The following MED16 variants were observed in gnomAD, a reference collection of about 807,000 sequenced individuals.
The protein encoded by MED16 is mediator complex subunit 16.
A neutral mutation model predicts 84.4 loss-of-function variants in MED16; 81 were observed. The observed-to-expected ratio is 0.96, with a 90% CI of 0.80 to 1.15. The LOEUF is 1.15. MED16 is among the 50% of genes most tolerant of loss of function. The pLI is 0.00. For missense variants in MED16, 1,585 were observed against 1,245.9 expected (o/e 1.27, Z -4.10); for synonymous variants, 897 against 552.2 (o/e 1.62, Z -8.76).
At chr19:876,587 G>C (rs532972960) in intron 9 of MED16, among the ~76,000 whole-genome samples, 1 of 152,188 alleles carries the variant, frequency 6.6e-6, no homozygotes, top group South Asian at 2.1e-4. Flanking sequence ...GCTTCTCTGA[G>C]GTGCAGCTTT....
At chr19:874,156 C>T (rs981499869) in intron 10 of MED16, among the ~76,000 whole-genome samples, 1 of 151,956 alleles carries the variant, frequency 6.6e-6, no homozygotes, top group Non-Finnish European at 1.5e-5. Context: ...CTCTGTCGCC[C>T]AGGCTGGAGT....
rs777653749 is a variant in MED16, at chr19:880,110, C to A, written c.1180G>T (p.Val394Leu). Residue 394 changes from valine (V) to leucine (L), a missense_variant, in exon 8 of 16, where the codon GTG becomes TTG. Physicochemically the swap from Val to Leu is conservative, Grantham distance 32. Transcript: ENST00000325464. ...LAFHDGSVHI[V>L]HRLSLQTMAV... is the part of the protein sequence containing the mutation. The stretch of plus-strand genomic sequence containing the variant: ...ATGGTCTGCAGTGAGAGCCGGTGCA[C>A]GATGTGGACGCTGCCGTCGTGGAAG... 1.2e-6 allele frequency: 2 copies of A among 1,610,288 alleles called. No homozygotes were observed. The highest frequency in any genetic ancestry group is 1.1e-5 in the South Asian group (1 of 90,768).
chr19:877,742 C>G (rs1287583093), intron 8 of MED16, among the ~76,000 whole-genome samples: 1 of 136,696 alleles, frequency 7.3e-6, no homozygotes, highest in Non-Finnish European at 1.6e-5. Context: ...CAGCAGCTCA[C>G]CTTCCCCTGG....
intron 14 of MED16, 30 bp downstream of exon 14, chr19:868,833 T>C (rs2035978113): frequency 1.9e-6 from 3 of 1,541,348 alleles, no homozygotes; most frequent in Admixed American, 2.0e-5. Context: ...GGCACATCTC[T>C]GGGAGTCAGC....
In MED16 at chr19:881,726, G is replaced by A. The variant is rs746984441; in HGVS notation, c.986-12C>T. On this transcript the variant is annotated splice_polypyrimidine_tract_variant and intron_variant, in intron 6 of 15. Transcript: ENST00000325464. ...CTGTTTGTCGCCAACTGAAAAATCA[G>A]GGGCAGGAAAACAGGAAGGCAATGG... 1.1e-5 allele frequency: 18 copies of A among 1,607,392 alleles called. No individual in the cohort carries two copies. In the Admixed American group the frequency reaches 1.5e-4, roughly 13 times the overall value.
chr19:884,959 G>A lies in MED16; in HGVS notation c.929C>T (p.Ser310Phe). 6.2e-7 allele frequency: 1 copy of A among 1,609,360 alleles called. No homozygotes were observed. Among genetic ancestry groups the A allele is most frequent in the Non-Finnish European group, 8.5e-7 (1 of 1,179,332 alleles). Residue 310 changes from serine (S) to phenylalanine (F), a missense_variant, in exon 6 of 16, where the codon TCC (serine) becomes TTC (phenylalanine). By Grantham distance (155) the Ser-to-Phe change is radical. Transcript: ENST00000325464. ...SQTSSIVECW[S>F]LRKEGLPVNN... ...CACGGGGAGTCCCTCCTTGCGCAGG[G>A]ACCAGCACTCCACGATGCTGCTGGT...
chr19:884,269 C>T (rs896227924), intron 6 of MED16, among the ~76,000 whole-genome samples: 3 of 152,216 alleles, frequency 2.0e-5, no homozygotes, highest in African/African-American at 7.2e-5. Flanking sequence ...TTCTGGTCCC[C>T]GGTCATAGCA....
Position 876,927 on chromosome 19 carries a change from A to G in MED16, c.1560+47T>C, listed in dbSNP as rs2036253354. The G allele has an allele frequency of 2.6e-6, 4 of 1,527,716 alleles. No homozygotes were observed. The South Asian group carries it at 4.9e-5, about 19-fold the overall frequency. 94.6% of individuals were successfully genotyped at this position (1,527,716 alleles called of 1,614,324 possible). On this transcript the variant is annotated intron_variant, in intron 9 of 15. Coordinates refer to ENST00000325464, the MANE Select transcript of MED16 (RefSeq NM_005481.3). ...ACCTGCCACGGGGCCCCCACCTGCC[A>G]CAGGGCCCCCACCTGCCACGGGGCC...
intron 5 of MED16, 132 bp downstream of exon 5, chr19:885,638 C>T (rs893785379): frequency 7.8e-5 from 85 of 1,095,122 alleles, no homozygotes; most frequent in African/African-American, 1.7e-4. Flanking sequence ...CTGGAGCCCC[C>T]GGGAGGGACC....
chr19:877,479 A>C (rs2145215155), intron 8 of MED16, among the ~76,000 whole-genome samples: 1 of 142,070 alleles, frequency 7.0e-6, no homozygotes, highest in Admixed American at 6.9e-5. Context: ...GGTCCTCTCA[A>C]CAGCTCCTAG....
At position 870,904 on chromosome 19, in the gene MED16, C is replaced by T. The variant is rs1273915624; in HGVS notation, c.2315+133G>A. 351 of 715,672 alleles carry T rather than the reference C, an allele frequency of 4.9e-4. 3 individuals are homozygous for T. The highest frequency in any genetic ancestry group is 1.0e-3 in the Admixed American group (24 of 23,832). 44.3% of individuals were successfully genotyped at this position (715,672 alleles called of 1,614,324 possible). ...GGGGGTCCCGGGCAGGACATGGAGG[C>T]GGGGAGCCGTGTGGATTCGGGGGGA... On this transcript the variant is annotated intron_variant, in intron 13 of 15. Transcript: ENST00000325464.
At position 877,265 on chromosome 19, in the gene MED16, C is replaced by T. The variant is rs2036271121; in HGVS notation, c.1354-85G>A. ...GAGGAATGGGGCCCTGGGGCTGCGG[C>T]ACGTGTGTGGATCTGTGTGCGCGCA... On this transcript the variant is annotated intron_variant, in intron 8 of 15. Coordinates refer to ENST00000325464, the MANE Select transcript of MED16 (RefSeq NM_005481.3). The T allele has an allele frequency of 5.9e-6, 8 of 1,354,388 alleles. No homozygotes were observed. The African/African-American group carries it at 1.2e-4, about 20-fold the overall frequency. The allele number at this position is 1,354,388 out of a possible 1,614,324, so 83.9% of individuals were successfully genotyped here.
intron 12 of MED16, 42 bp from the exon 13 acceptor site, chr19:871,295 G>T: frequency 1.3e-6 from 2 of 1,501,534 alleles, no homozygotes; most frequent in Non-Finnish European, 1.8e-6. Flanking sequence ...CCCTGACTGG[G>T]GCACCGCCCG....
intron 1 of MED16, chr19:892,699 C>G (rs1354297684): frequency 2.0e-5 from 3 of 152,188 alleles, no homozygotes; most frequent in Non-Finnish European, 2.9e-5. Flanking sequence ...CCAGGCCCTG[C>G]CTCTACAGCC....
rs534228455 is a variant in MED16, at chr19:880,054, C to T, written c.1236G>A (p.Arg412=). The part of the protein sequence containing the change: ...MAVFYSSAAP[R]PVDEPAMKRP... The stretch of plus-strand genomic sequence containing the variant: ...GCTTCATGGCCGGCTCATCCACAGG[C>T]CTCGGGGCCGCGGAGCTGTAGAAGA... The change falls in exon 8 of 16, where the codon AGG becomes AGA. Residue 412 remains arginine, a synonymous_variant. Transcript: ENST00000325464. 1.2e-6 allele frequency: 2 copies of T among 1,611,254 alleles called. No individual in the cohort carries two copies. The highest frequency in any genetic ancestry group is 2.2e-5 in the East Asian group (1 of 44,862).
chr19:880,748 C>A (rs1365606971), intron 7 of MED16, among the ~76,000 whole-genome samples: 2 of 152,084 alleles, frequency 1.3e-5, no homozygotes, highest in Non-Finnish European at 1.5e-5. Flanking sequence ...CGGTGAAACC[C>A]CGTCTCTACT....
intron 7 of MED16, 56 bp from the exon 8 acceptor site, chr19:880,204 G>C: frequency 1.3e-6 from 2 of 1,494,296 alleles, no homozygotes; most frequent in Non-Finnish European, 1.8e-6. Flanking sequence ...CGCCCGCCGG[G>C]GGAGGGGCCT....
chr19:877,048 G>A lies in MED16; in HGVS notation c.1486C>T (p.Gln496Ter), dbSNP rs1323150118. 3.7e-6 allele frequency: 6 copies of A among 1,612,716 alleles called. No individual in the cohort carries two copies. The highest frequency in any genetic ancestry group is 3.4e-6 in the Non-Finnish European group (4 of 1,179,912). ...YDWWDILLHV[Q>*]PSMVQSLVEK... ...ACCAGGCTCTGTACCATACTGGGCT[G>A]CACGTGCAGCAGGATGTCCCACCAG... The change falls in exon 9 of 16, where the codon CAG becomes TAG. Residue 496 changes from glutamine (Q) to a stop codon, truncating the protein, a stop_gained. Coordinates refer to ENST00000325464, the MANE Select transcript of MED16 (RefSeq NM_005481.3). LOFTEE classifies it high-confidence loss of function.
chr19:875,511 C>T (rs992180793), intron 9 of MED16, 57 bp from the exon 10 acceptor site: 1 of 1,417,752 alleles, frequency 7.1e-7, no homozygotes, highest in Non-Finnish European at 9.6e-7. Context: ...CCCGCCAAGG[C>T]TCCAGCTGAG....
Sources: gnomAD v4.1 joint callset for allele counts (sites outside exome capture counted in the v4.1 genomes callset) on GRCh38, gnomAD v4.1.1 for gene constraint, MANE v1.5 for transcripts, NCBI Gene and HGNC (gene_info 2026-07-23, HGNC 2026-07-21) for gene names.